The following RGS20 variants were observed in gnomAD, a reference collection of about 807,000 sequenced individuals.
The protein encoded by RGS20 is gz-selective GTPase-activating protein.
RGS20 carries 30 observed loss-of-function variants against 33.6 expected under a neutral mutation model. That is an observed-to-expected ratio of 0.89 (90% confidence interval 0.67 to 1.21). The LOEUF (loss-of-function observed/expected upper bound fraction) is 1.21. Among genes scored for constraint, RGS20 ranks in the 50% most tolerant of loss-of-function variants. The pLI is 0.00. For missense variants in RGS20, 472 were observed against 502.4 expected, an observed-to-expected ratio of 0.94 and a Z score of 0.58; for synonymous variants, 208 against 197.9, an observed-to-expected ratio of 1.05 and a Z score of -0.43.
At chr8:53,928,072 A>AT (rs890434753) in intron 2 of RGS20, among the ~76,000 whole-genome samples, 6 of 152,066 alleles carry the variant, frequency 3.9e-5, no homozygotes, top group South Asian at 2.1e-4. Context: ...ACCTAAATAG[A>AT]TTTTTTTTAA....
In RGS20 at chr8:53,879,273, C is replaced by T; in HGVS notation, c.181C>T (p.Gln61Ter). 6.2e-7 allele frequency: 1 copy of T among 1,613,898 alleles called. No individual in the cohort carries two copies. Among genetic ancestry groups the T allele is most frequent in the Non-Finnish European group, 8.5e-7 (1 of 1,179,952 alleles). Reference sequence around the variant, plus strand: ...CCCACCCCAGTCCTTCCCGCCTGCACAGCTCCCAGACTCGCCCGCCGCCCC... The same window carrying T: ...CCCACCCCAGTCCTTCCCGCCTGCATAGCTCCCAGACTCGCCCGCCGCCCC... Residue 61 changes from glutamine to a stop codon, truncating the protein, a stop_gained, in exon 2 of 6, where the codon CAG becomes TAG. Transcript: ENST00000297313. LOFTEE classifies it high-confidence loss of function.
rs570605854 is a variant in RGS20, at chr8:53,939,790, A to T, written c.659+66A>T. The T allele has an allele frequency of 2.2e-4, 327 of 1,473,764 alleles. 1 individual carries two copies. In the South Asian group the frequency reaches 3.6e-3, roughly 16 times the overall value. The allele number at this position is 1,473,764 out of a possible 1,614,324, so 91.3% of individuals were successfully genotyped here. The stretch of plus-strand genomic sequence containing the variant: ...GAAGTGTAATGTGCTCCTGACTGGG[A>T]CGTGGCACCCCTGAAAGTGGTGGCA... On this transcript the variant is annotated intron_variant, in intron 3 of 5. Transcript: ENST00000297313.
chr8:53,905,524 A>T (rs1239537396), intron 2 of RGS20, among the ~76,000 whole-genome samples: 1 of 152,206 alleles, frequency 6.6e-6, no homozygotes, highest in East Asian at 1.9e-4. Context: ...GCGTCCTCTC[A>T]AACTTAGAAT....
intron 2 of RGS20, among the ~76,000 whole-genome samples, chr8:53,883,826 A>T (rs1812465177): frequency 6.6e-6 from 1 of 151,920 alleles, no homozygotes; most frequent in South Asian, 2.1e-4. Context: ...GGCGCCTGTA[A>T]TCCCAGTTAC....
At chr8:53,880,625 G>A (rs1016112159) in intron 2 of RGS20, among the ~76,000 whole-genome samples, 35 of 152,176 alleles carry the variant, frequency 2.3e-4, no homozygotes, top group African/African-American at 7.0e-4. Flanking sequence ...CGCGCGCCGA[G>A]GGGAGGCGAT....
At chr8:53,948,432 T>C (rs552389592) in intron 4 of RGS20, among the ~76,000 whole-genome samples, 178 of 141,966 alleles carry the variant, frequency 1.3e-3, no homozygotes, top group African/African-American at 3.2e-3. Flanking sequence ...ATATATAAGA[T>C]ACAGTATATA....
intron 4 of RGS20, among the ~76,000 whole-genome samples, chr8:53,952,958 T>C (rs375029321): frequency 2.0e-5 from 3 of 152,250 alleles, no homozygotes; most frequent in East Asian, 3.9e-4. Flanking sequence ...CAAGTAGAAG[T>C]AGCACGAAAA....
chr8:53,907,679 T>G (rs1813221768), intron 2 of RGS20, among the ~76,000 whole-genome samples: 1 of 151,972 alleles, frequency 6.6e-6, no homozygotes. Flanking sequence ...AGGTAATGAT[T>G]CTCCTGGGAG....
At chr8:53,929,848 C>G (rs1486350840) in intron 2 of RGS20, among the ~76,000 whole-genome samples, 1 of 152,040 alleles carries the variant, frequency 6.6e-6, no homozygotes. Context: ...TAGCTTATGA[C>G]ATAGGGCTAG....
At chr8:53,896,707 T>C (rs1812872308) in intron 2 of RGS20, among the ~76,000 whole-genome samples, 1 of 152,222 alleles carries the variant, frequency 6.6e-6, no homozygotes, top group South Asian at 2.1e-4. Context: ...CAACTTAAGA[T>C]TCCTTTGGGT....
chr8:53,893,607 C>T (rs964352209), intron 2 of RGS20, among the ~76,000 whole-genome samples: 2 of 152,172 alleles, frequency 1.3e-5, no homozygotes, highest in African/African-American at 4.8e-5. Flanking sequence ...CATTTGTGGG[C>T]AGATTTAAGT....
chr8:53,880,609 C>A (rs1013274649), intron 2 of RGS20, among the ~76,000 whole-genome samples: 1 of 152,212 alleles, frequency 6.6e-6, no homozygotes, highest in Non-Finnish European at 1.5e-5. Flanking sequence ...TAGTCTCGCT[C>A]GGCCCCGCGC....
At chr8:53,910,710 C>T (rs762957512) in intron 2 of RGS20, among the ~76,000 whole-genome samples, 3 of 152,190 alleles carry the variant, frequency 2.0e-5, no homozygotes, top group Non-Finnish European at 2.9e-5. Context: ...GGTGCCTGGA[C>T]AGACAGTTAT....
intron 2 of RGS20, among the ~76,000 whole-genome samples, chr8:53,932,457 T>C (rs967683045): frequency 6.6e-6 from 1 of 152,132 alleles, no homozygotes; most frequent in Non-Finnish European, 1.5e-5. Context: ...GCGTCCACCA[T>C]TAATGAGGCT....
intron 1 of RGS20, among the ~76,000 whole-genome samples, chr8:53,865,364 G>T (rs573287362): frequency 6.6e-6 from 1 of 152,068 alleles, no homozygotes; most frequent in Non-Finnish European, 1.5e-5. Context: ...ACAGTTTCTC[G>T]CCTCTGTAAT....
In RGS20 at chr8:53,851,980, C is replaced by T. The variant is rs769690402; in HGVS notation, c.81C>T (p.Pro27=). The change falls in exon 1 of 6, where the codon CCC becomes CCT. Residue 27 remains proline, a synonymous_variant. Transcript: ENST00000297313. ...CGTCTATATGGACACAGTTTCTGCC[C>T]CTGTTCAGGGCTCAGAGATATAATA... 4.3e-6 allele frequency: 7 copies of T among 1,614,142 alleles called. No individual in the cohort carries two copies. The highest frequency in any genetic ancestry group is 5.9e-6 in the Non-Finnish European group (7 of 1,180,002).
chr8:53,904,784 C>G (rs1813120913), intron 2 of RGS20, among the ~76,000 whole-genome samples: 3 of 152,194 alleles, frequency 2.0e-5, no homozygotes, highest in Admixed American at 2.0e-4. Context: ...TCAATCAGTA[C>G]TTACAAAATG....
intron 1 of RGS20, among the ~76,000 whole-genome samples, chr8:53,862,856 T>C (rs1762393021): frequency 6.6e-6 from 1 of 152,214 alleles, no homozygotes; most frequent in South Asian, 2.1e-4. Flanking sequence ...AGCCAGGTTA[T>C]AGTTCTGCTT....
rs60067329 is a variant in RGS20, at chr8:53,942,826, T to TA, written c.659+3121dup. ...CAACACAGCGAGACCATGTCTCCACTAAAAAAAAAAAAAAAAAAAGTTAGC... is the reference window on the plus strand; with the variant it reads ...CAACACAGCGAGACCATGTCTCCACTAAAAAAAAAAAAAAAAAAAAGTTAGC... On this transcript the variant is annotated intron_variant, in intron 3 of 5. Coordinates refer to ENST00000297313, the MANE Select transcript of RGS20 (RefSeq NM_170587.4). Among the ~76,000 whole-genome samples, 1,014 of 125,566 alleles carry TA rather than the reference T, an allele frequency of 8.1e-3. 7 individuals carry two copies. The highest frequency in any genetic ancestry group is 0.014 in the Non-Finnish European group (820 of 57,244). The allele number at this position is 125,566 out of a possible 152,430, so 82.4% of individuals were successfully genotyped here. A position where few individuals can be genotyped will look rare whatever the true frequency, so the allele number is the denominator to read the frequency against.
Sources: gnomAD v4.1 joint callset for allele counts (sites outside exome capture counted in the v4.1 genomes callset) on GRCh38, gnomAD v4.1.1 for gene constraint, MANE v1.5 for transcripts, NCBI Gene and HGNC (gene_info 2026-07-23, HGNC 2026-07-21) for gene names.